The following CLTB variants were observed in gnomAD, a reference collection of about 807,000 sequenced individuals.
The protein encoded by CLTB is clathrin light chain B.
Under a neutral mutation model 30.5 loss-of-function variants are expected in CLTB, and 10 were observed. The ratio of observed to expected loss-of-function variants is 0.33; its 90% confidence interval spans 0.20 to 0.56. The LOEUF (loss-of-function observed/expected upper bound fraction) is 0.56. CLTB is among the 20% of genes least tolerant of loss of function. The pLI, the probability that CLTB is intolerant of heterozygous loss-of-function variation, is 0.91. For synonymous variants in CLTB, 102 were observed against 120.3 expected, an observed-to-expected ratio of 0.85 and a Z score of 1.00; for missense variants, 261 against 308.3, an observed-to-expected ratio of 0.85 and a Z score of 1.15.
intron 2 of CLTB, among the ~76,000 whole-genome samples, chr5:176,403,409 C>T (rs963741271): frequency 2.0e-5 from 3 of 151,572 alleles, no homozygotes; most frequent in Admixed American, 1.3e-4. Flanking sequence ...CTTTAATCTT[C>T]GCAACCCTAC....
intron 2 of CLTB, chr5:176,406,090 C>A (rs1280205799): frequency 8.5e-6 from 8 of 937,010 alleles, no homozygotes; most frequent in Non-Finnish European, 7.6e-6. Flanking sequence ...TTTTCCTGCC[C>A]CTGTCCCCAC....
Position 176,416,204 on chromosome 5 carries a change from G to C in CLTB, c.160C>G (p.Pro54Ala), listed in dbSNP as rs774481641. ...FGAPAGSHAAPAQPGPTSGAG... is the reference protein window; with the variant it reads ...FGAPAGSHAAAAQPGPTSGAG... ...CCACTCGTGGGGCCCGGCTGCGCGG[G>C]GGCCGCATGGCTGCCGGCAGGTGCC... The change falls in exon 1 of 6, where the codon CCC (proline) becomes GCC (alanine). Residue 54 changes from proline to alanine, a missense_variant. By Grantham distance (27) the Pro-to-Ala change is conservative (BLOSUM62 -1). Around this residue, in one of 3 missense-constraint regions of CLTB, gnomAD observed 113 missense variants for 102.5 expected, o/e 1.10. Transcript: ENST00000310418. 1 of 1,592,460 alleles carries C rather than the reference G, an allele frequency of 6.3e-7. No individual in the cohort carries two copies. The highest frequency in any genetic ancestry group is 1.1e-5 in the South Asian group (1 of 89,162).
At chr5:176,406,286 C>A (rs1423255376) in intron 2 of CLTB, 1 of 1,054,318 alleles carries the variant, frequency 9.5e-7, no homozygotes. Context: ...ATGGCCAGGA[C>A]CAGAAGGCAG....
At chr5:176,407,195 T>C (rs1275241478) in intron 2 of CLTB, among the ~76,000 whole-genome samples, 1 of 152,112 alleles carries the variant, frequency 6.6e-6, no homozygotes, top group Admixed American at 6.6e-5. Flanking sequence ...TCAAATGGGG[T>C]GCACTCCAGA....
At chr5:176,403,013 C>G (rs1255604554) in intron 2 of CLTB, among the ~76,000 whole-genome samples, 1 of 151,408 alleles carries the variant, frequency 6.6e-6, no homozygotes, top group Non-Finnish European at 1.5e-5. Context: ...TCATCTGTAT[C>G]CTTCAGGGCC....
chr5:176,392,474 A>T (rs1756293974), downstream of CLTB: 2 of 317,918 alleles, frequency 6.3e-6, no homozygotes, highest in African/African-American at 4.2e-5. This position sits in a 1 kb window ranked among gnomAD's most constrained non-coding sequence, Gnocchi z 5.2. Context: ...GAGAAGTGAG[A>T]ATGATAATAA....
intron 2 of CLTB, chr5:176,406,468 G>A: frequency 8.4e-7 from 1 of 1,184,592 alleles, no homozygotes; most frequent in East Asian, 6.6e-5. Context: ...CTTTGGGATT[G>A]ATCAGCTAAA....
In CLTB at chr5:176,410,364, G is replaced by A. The variant is rs117021015; in HGVS notation, c.188-61C>T. 4.4e-4 allele frequency: 660 copies of A among 1,484,160 alleles called. 10 individuals carry two copies. In the East Asian group the frequency reaches 0.012, roughly 26 times the overall value. The allele number at this position is 1,484,160 out of a possible 1,614,324, so 91.9% of individuals were successfully genotyped here. A position where few individuals can be genotyped will look rare whatever the true frequency, so the allele number is the denominator to read the frequency against. On this transcript the variant is annotated intron_variant, in intron 1 of 5. Transcript: ENST00000310418. ...TTTAGCTTATAGCAAGCAGGAAATG[G>A]TCCTACATTAGCCCCTCAACCCAAA...
Position 176,392,762 on chromosome 5 carries a change from C to T in CLTB, c.*12G>A, listed in dbSNP as rs1315846735. 6.2e-7 allele frequency: 1 copy of T among 1,613,422 alleles called. No individual in the cohort carries two copies. The highest frequency in any genetic ancestry group is 1.1e-5 in the South Asian group (1 of 91,054). Reference sequence around the variant, plus strand: ...CCAGCCCATGCTCTGTGGCCATGCACCTAGCAGGCACCTAGCGGGACAGTG... The same window carrying T: ...CCAGCCCATGCTCTGTGGCCATGCATCTAGCAGGCACCTAGCGGGACAGTG... On this transcript the variant is annotated 3_prime_UTR_variant, in exon 6 of 6. Coordinates refer to ENST00000310418, the MANE Select transcript of CLTB (RefSeq NM_007097.5). This position sits in a 1 kb window ranked among gnomAD's most constrained non-coding sequence, Gnocchi z 5.2.
chr5:176,398,107 G>C (rs2113637433), intron 2 of CLTB, 60 bp from the exon 3 acceptor site: 2 of 1,491,922 alleles, frequency 1.3e-6, no homozygotes, highest in Non-Finnish European at 1.9e-6. Flanking sequence ...TGTCTCTGCT[G>C]CCCCTGCTGG....
chr5:176,401,622 T>C, intron 2 of CLTB: 2 of 424,068 alleles, frequency 4.7e-6, no homozygotes, highest in African/African-American at 2.0e-5. Context: ...GACCTCAGCC[T>C]TTAGGTCTAT....
intron 4 of CLTB, among the ~76,000 whole-genome samples, chr5:176,396,888 T>C (rs900930773): frequency 3.9e-5 from 6 of 152,124 alleles, no homozygotes; most frequent in African/African-American, 1.4e-4. Flanking sequence ...CCTGGCCCCC[T>C]GTTGCCTAAT....
At chr5:176,414,617 A>T (rs1048516485) in intron 1 of CLTB, among the ~76,000 whole-genome samples, 2 of 151,902 alleles carry the variant, frequency 1.3e-5, no homozygotes, top group African/African-American at 4.8e-5. Context: ...TAATTTTTGT[A>T]TGTTTTGTAG....
At chr5:176,403,038 A>T (rs1756902517) in intron 2 of CLTB, among the ~76,000 whole-genome samples, 1 of 148,984 alleles carries the variant, frequency 6.7e-6, no homozygotes, top group Non-Finnish European at 1.5e-5. Context: ...ATCTCCATAA[A>T]GCCTGCCCTA....
intron 2 of CLTB, among the ~76,000 whole-genome samples, chr5:176,399,882 A>AC (rs1464296559): frequency 6.6e-6 from 1 of 151,024 alleles, no homozygotes; most frequent in Non-Finnish European, 1.5e-5. Context: ...GGTCTCAAAA[A>AC]AAAAAAAAAG....
At chr5:176,410,055 G>A (rs952729365) in intron 2 of CLTB, among the ~76,000 whole-genome samples, 8 of 152,050 alleles carry the variant, frequency 5.3e-5, no homozygotes, top group African/African-American at 1.7e-4. Context: ...CATCAATCTC[G>A]ATCTCTAGTG....
chr5:176,397,873 C>T (rs1756623335), intron 3 of CLTB, 57 bp downstream of exon 3: 3 of 1,526,484 alleles, frequency 2.0e-6, no homozygotes, highest in Middle Eastern at 1.8e-4. Flanking sequence ...GAGGACTCCC[C>T]ACACTCCACC....
chr5:176,406,692 C>T (rs1264389110), intron 2 of CLTB: 34 of 1,287,830 alleles, frequency 2.6e-5, no homozygotes, highest in South Asian at 1.1e-4. Context: ...TAGCTGGACC[C>T]GCTGGTGGTG....
At chr5:176,410,440 G>GAT (rs1250482842) in intron 1 of CLTB, 137 bp from the exon 2 acceptor site, 10 of 649,390 alleles carry the variant, frequency 1.5e-5, no homozygotes, top group Admixed American at 2.6e-5. Flanking sequence ...AGACATAATG[G>GAT]ATATATATAT....
Sources: allele counts gnomAD v4.1 joint callset (sites outside exome capture counted in the v4.1 genomes callset), GRCh38; gene constraint gnomAD v4.1.1; regional missense constraint gnomAD v4.1.1; non-coding constraint Gnocchi (gnomAD v3.1); transcripts MANE v1.5; gene names NCBI Gene and HGNC (gene_info 2026-07-23, HGNC 2026-07-21).